The following SARS1 variants were observed in gnomAD, a reference collection of about 807,000 sequenced individuals.
SARS1 encodes serine--tRNA ligase, cytoplasmic.
SARS1 carries 25 observed loss-of-function variants against 63.7 expected under a neutral mutation model. That is an observed-to-expected ratio of 0.39 (90% confidence interval 0.29 to 0.55). The LOEUF is 0.55. SARS1 is among the 20% of genes least tolerant of loss of function. SARS1 has a pLI of 0.62. For synonymous variants in SARS1, 231 were observed against 243.5 expected, an observed-to-expected ratio of 0.95 and a Z score of 0.48; for missense variants, 417 against 649.7, an observed-to-expected ratio of 0.64 and a Z score of 3.89.
intron 6 of SARS1, 31 bp downstream of exon 6, chr1:109,231,817 CT>C: frequency 6.9e-7 from 1 of 1,456,002 alleles, no homozygotes; most frequent in Non-Finnish European, 9.1e-7. Flanking sequence ...GACAGAATGA[CT>C]TCTTAAGTTA....
chr1:109,225,487 T>A (rs977732535), intron 2 of SARS1, among the ~76,000 whole-genome samples: 15 of 152,222 alleles, frequency 9.9e-5, no homozygotes, highest in Non-Finnish European at 2.2e-4. Flanking sequence ...GCCAGCTGGG[T>A]ATTTTTTGAA....
At position 109,237,503 on chromosome 1, in the gene SARS1, C is replaced by T. The variant is rs1019934102; in HGVS notation, c.1387+130C>T. ...GCCCCTGAAACTCTGTCTGCCCTCTCGGGCTGGGCAGGGCAGGGGGCCTGG... is the reference window on the plus strand; with the variant it reads ...GCCCCTGAAACTCTGTCTGCCCTCTTGGGCTGGGCAGGGCAGGGGGCCTGG... On this transcript the variant is annotated intron_variant, in intron 10 of 10. Transcript: ENST00000234677. This position sits in a 1 kb window ranked among gnomAD's most constrained non-coding sequence, Gnocchi z 4.1. 9.9e-6 allele frequency: 14 copies of T among 1,415,996 alleles called. No homozygotes were observed. The highest frequency in any genetic ancestry group is 4.8e-5 in the East Asian group (2 of 41,444). 87.7% of individuals were successfully genotyped at this position (1,415,996 alleles called of 1,614,324 possible). A position where few individuals can be genotyped will look rare whatever the true frequency, so the allele number is the denominator to read the frequency against.
In SARS1 at chr1:109,213,976, G is replaced by C. The variant is rs1654726875; in HGVS notation, c.-17G>C. The C allele has an allele frequency of 6.2e-7, 1 of 1,604,678 alleles. No homozygotes were observed. The highest frequency in any genetic ancestry group is 8.5e-7 in the Non-Finnish European group (1 of 1,174,876). On this transcript the variant is annotated 5_prime_UTR_variant, in exon 1 of 11. Coordinates refer to ENST00000234677, the MANE Select transcript of SARS1 (RefSeq NM_006513.4). ...GCGATCCTTGCTTCCCTGAGCGTTGGCCCGGGAGGAAAGAAGATGGTGCTG... is the reference window on the plus strand; with the variant it reads ...GCGATCCTTGCTTCCCTGAGCGTTGCCCCGGGAGGAAAGAAGATGGTGCTG...
intron 6 of SARS1, among the ~76,000 whole-genome samples, chr1:109,232,634 G>T (rs1655232279): frequency 6.6e-6 from 1 of 152,122 alleles, no homozygotes; most frequent in South Asian, 2.1e-4. Context: ...CATTCAAGAC[G>T]CACTGGGAAA....
chr1:109,235,838 C>CGG lies in SARS1; in HGVS notation c.970-139_970-138insGG. On this transcript the variant is annotated intron_variant, in intron 7 of 10. Transcript: ENST00000234677. The surrounding 1 kb of genome is among the most constrained non-coding windows in gnomAD (Gnocchi z 4.7). ...ACCATAAGCATTTGCTCTTGTGGTCCAGTCCCAGTTGCTGGGGGCCCAGAC... is the reference window on the plus strand; with the variant it reads ...ACCATAAGCATTTGCTCTTGTGGTCCGGAGTCCCAGTTGCTGGGGGCCCAGAC... 1 of 775,132 alleles carries CGG rather than the reference C, an allele frequency of 1.3e-6. No individual in the cohort carries two copies. Among genetic ancestry groups the CGG allele is most frequent in the Non-Finnish European group, 2.1e-6 (1 of 476,040 alleles). 48.0% of individuals were successfully genotyped at this position (775,132 alleles called of 1,614,324 possible).
At chr1:109,219,199 G>A (rs1417814084) in intron 1 of SARS1, among the ~76,000 whole-genome samples, 1 of 145,160 alleles carries the variant, frequency 6.9e-6, no homozygotes, top group Non-Finnish European at 1.5e-5. Flanking sequence ...CCAGGAGGCG[G>A]AGCTTGCAGT....
chr1:109,231,998 C>A (rs140909301), intron 6 of SARS1, among the ~76,000 whole-genome samples: 3 of 152,268 alleles, frequency 2.0e-5, no homozygotes, highest in Non-Finnish European at 4.4e-5. Flanking sequence ...CTAATGACTG[C>A]CATATTAGAC....
rs1323645887 is a variant in SARS1, at chr1:109,227,737, T to C, written c.208-615T>C. Among the ~76,000 whole-genome samples, 142 of 149,910 alleles carry C rather than the reference T, an allele frequency of 9.5e-4. 1 individual carries two copies. Among genetic ancestry groups the C allele is most frequent in the Admixed American group, 9.2e-3 (139 of 15,030 alleles). On this transcript the variant is annotated intron_variant, in intron 2 of 10. Transcript: ENST00000234677. ...CCAACAGAGTGAAACCCTATCTCTA[T>C]TAAAAATACAAAAAAAAAAAAGGAA...
At position 109,237,258 on chromosome 1, in the gene SARS1, T is replaced by C. The variant is rs1288089406; in HGVS notation, c.1272T>C (p.His424=). ...TGTCTTCCCAGGTGGAGTTTGTCCATATGCTCAATGCTACCATGTGCGCCA... is the reference window on the plus strand; with the variant it reads ...TGTCTTCCCAGGTGGAGTTTGTCCACATGCTCAATGCTACCATGTGCGCCA... The part of the protein sequence containing the change: ...KKMMDKVEFV[H]MLNATMCATT... Residue 424 remains histidine (H), a synonymous_variant, in exon 10 of 11, where the codon CAT becomes CAC. Transcript: ENST00000234677. This position sits in a 1 kb window ranked among gnomAD's most constrained non-coding sequence, Gnocchi z 4.1. 1.9e-6 allele frequency: 3 copies of C among 1,612,808 alleles called. No individual in the cohort carries two copies. In the South Asian group the frequency reaches 3.3e-5, roughly 18 times the overall value.
Position 109,222,002 on chromosome 1 carries a change from ATATATATATTTTTTTTTTTTTTTTTTT to A in SARS1, c.137-1974_137-1948del, listed in dbSNP as rs1194544612. Among the ~76,000 whole-genome samples the A allele has an allele frequency of 5.0e-3, 58 of 11,638 alleles. 1 individual carries two copies. Among genetic ancestry groups the A allele is most frequent in the South Asian group, 0.021 (3 of 144 alleles). 7.6% of individuals were successfully genotyped at this position (11,638 alleles called of 152,430 possible). A position where few individuals can be genotyped will look rare whatever the true frequency, so the allele number is the denominator to read the frequency against. On this transcript the variant is annotated intron_variant, in intron 1 of 10. Transcript: ENST00000234677. ...TATATATATATATATATATATATAT[ATATATATATTTTTTTTTTTTTTTTTTT>A]TTTTTTTTTTTTTTTGTAGAGACAG... is the stretch of plus-strand genomic sequence containing the variant.
At chr1:109,231,818 T>C in intron 6 of SARS1, 32 bp downstream of exon 6, 2 of 1,455,714 alleles carry the variant, frequency 1.4e-6, no homozygotes, top group South Asian at 1.5e-5. Context: ...ACAGAATGAC[T>C]TCTTAAGTTA....
chr1:109,216,189 C>T (rs148608707), intron 1 of SARS1: 1 of 985,264 alleles, frequency 1.0e-6, no homozygotes, highest in Non-Finnish European at 1.2e-6. Flanking sequence ...GGATGGAGTT[C>T]TTCTCTCATT....
intron 1 of SARS1, among the ~76,000 whole-genome samples, chr1:109,218,192 CCAAAAAAA>C (rs1557713950): frequency 4.2e-5 from 1 of 23,678 alleles, no homozygotes; most frequent in Admixed American, 5.8e-4. Flanking sequence ...GACTCTGTCT[CCAAAAAAA>C]AAAAAAAAAA....
At chr1:109,223,678 C>T (rs1444808841) in intron 1 of SARS1, among the ~76,000 whole-genome samples, 3 of 152,188 alleles carry the variant, frequency 2.0e-5, no homozygotes, top group African/African-American at 7.2e-5. Flanking sequence ...GTGGCGGGCA[C>T]CTATAATCCC....
chr1:109,235,916 C>T lies in SARS1; in HGVS notation c.970-61C>T. ...AGGTCTTCATGGCAAGGATGTCTCC[C>T]ACTTCAGTCCTTTATTCACCCTATA... is the stretch of plus-strand genomic sequence containing the variant. On this transcript the variant is annotated intron_variant, in intron 7 of 10. Transcript: ENST00000234677. The surrounding 1 kb of genome is among the most constrained non-coding windows in gnomAD (Gnocchi z 4.7). 6.8e-7 allele frequency: 1 copy of T among 1,478,228 alleles called. No individual in the cohort carries two copies. Among genetic ancestry groups the T allele is most frequent in the Non-Finnish European group, 9.1e-7 (1 of 1,099,816 alleles). The allele number at this position is 1,478,228 out of a possible 1,614,324, so 91.6% of individuals were successfully genotyped here. A position where few individuals can be genotyped will look rare whatever the true frequency, so the allele number is the denominator to read the frequency against.
intron 1 of SARS1, among the ~76,000 whole-genome samples, chr1:109,220,704 T>G (rs113920552): frequency 2.6e-5 from 4 of 152,286 alleles, no homozygotes; most frequent in African/African-American, 9.6e-5. Context: ...AGTTCCTAAT[T>G]TTAATGAAGT....
At position 109,228,339 on chromosome 1, in the gene SARS1, T is replaced by C. The variant is rs1308660265; in HGVS notation, c.208-13T>C. On this transcript the variant is annotated splice_polypyrimidine_tract_variant and intron_variant, in intron 2 of 10. Transcript: ENST00000234677. ...TTTTATTTATTTGTGTTGGGTTTTT[T>C]TCCTTCCTGCAGAAAAAAGAGCCAG... 3 of 1,602,506 alleles carry C rather than the reference T, an allele frequency of 1.9e-6. No homozygotes were observed. Among genetic ancestry groups the C allele is most frequent in the East Asian group, 2.2e-5 (1 of 44,826 alleles).
intron 1 of SARS1, chr1:109,216,673 C>T (rs1654796300): frequency 2.4e-6 from 2 of 829,656 alleles, no homozygotes; most frequent in African/African-American, 1.9e-5. Flanking sequence ...CTCACTGTGT[C>T]ACCCAGGCAT....
chr1:109,236,475 G>A lies in SARS1; in HGVS notation c.1184G>A (p.Cys395Tyr). ...GGAGCCTTCCGTGAGTTGGTCTCCTGTTCTAATTGCACGGATTACCAGGCT... is the reference window on the plus strand; with the variant it reads ...GGAGCCTTCCGTGAGTTGGTCTCCTATTCTAATTGCACGGATTACCAGGCT... ...GSGAFRELVS[C>Y]SNCTDYQARR... Residue 395 changes from cysteine to tyrosine, a missense_variant, in exon 9 of 11, where the codon TGT (cysteine) becomes TAT (tyrosine). Physicochemically the swap from Cys to Tyr is radical, Grantham distance 194 (BLOSUM62 -2). Around this residue, in one of 3 missense-constraint regions of SARS1, gnomAD observed 359 missense variants for 529.6 expected, o/e 0.68. Coordinates refer to ENST00000234677, the MANE Select transcript of SARS1 (RefSeq NM_006513.4). The A allele has an allele frequency of 6.2e-7, 1 of 1,607,698 alleles. No individual in the cohort carries two copies. The highest frequency in any genetic ancestry group is 8.5e-7 in the Non-Finnish European group (1 of 1,174,598).
Sources: gnomAD v4.1 joint callset for allele counts (sites outside exome capture counted in the v4.1 genomes callset) on GRCh38, gnomAD v4.1.1 for gene constraint, gnomAD v4.1.1 regional missense constraint, Gnocchi (gnomAD v3.1) non-coding constraint, MANE v1.5 for transcripts, NCBI Gene and HGNC (gene_info 2026-07-23, HGNC 2026-07-21) for gene names.